Variants in VPS13A observed in about 807,000 individuals in gnomAD.
The protein encoded by VPS13A is intermembrane lipid transfer protein VPS13A.
VPS13A carries 264 observed loss-of-function variants against 390.9 expected under a neutral mutation model. The observed-to-expected ratio is 0.68, with a 90% CI of 0.61 to 0.75. VPS13A has a LOEUF of 0.75. VPS13A is among the 30% of genes least tolerant of loss of function. The probability of loss-of-function intolerance (pLI) is 0.00; values close to 1 mark genes in which losing one functional copy is unlikely to be tolerated. For synonymous variants in VPS13A, 1,231 were observed against 1,227.1 expected (o/e 1.00, Z -0.07); for missense variants, 3,409 against 3,733.9 (o/e 0.91, Z 2.27).
chr9:77,189,445 G>T (rs1318099567), intron 1 of VPS13A, among the ~76,000 whole-genome samples: 1 of 151,972 alleles, frequency 6.6e-6, no homozygotes, highest in Non-Finnish European at 1.5e-5. Flanking sequence ...CTCTTGACCT[G>T]TTCCATTGGT....
intron 47 of VPS13A, chr9:77,339,196 G>T: frequency 3.8e-6 from 1 of 266,592 alleles, no homozygotes; most frequent in Non-Finnish European, 7.1e-6. Flanking sequence ...TCTTTTTGTC[G>T]TTGTTTTACC....
chr9:77,216,239 T>C (rs1822856920), intron 10 of VPS13A, among the ~76,000 whole-genome samples: 1 of 152,180 alleles, frequency 6.6e-6, no homozygotes, highest in Admixed American at 6.5e-5. Context: ...CCCCAAATCA[T>C]TTTTCAGAGC....
At position 77,401,399 on chromosome 9, in the gene VPS13A, A is replaced by T. The variant is rs376851731; in HGVS notation, c.9190-1837A>T. 2.8e-4 allele frequency among the ~76,000 whole-genome samples: 42 copies of T among 151,362 alleles called. No individual in the cohort carries two copies. The East Asian group carries it at 4.1e-3, about 15-fold the overall frequency. On this transcript the variant is annotated intron_variant, in intron 68 of 71. Transcript: ENST00000360280. ...TAAAAATTGGGAGGGAGTCAATAACATCTTTATTATGATAAATTTTTATAT... is the reference window on the plus strand; with the variant it reads ...TAAAAATTGGGAGGGAGTCAATAACTTCTTTATTATGATAAATTTTTATAT...
Position 77,317,581 on chromosome 9 carries a change from A to C in VPS13A, c.4864-25A>C, listed in dbSNP as rs762692445. Reference sequence around the variant, plus strand: ...TATTTTTATATTTAAACATTAATTTAGTGGTATTGATTTTTCTCTCATAGG... The same window carrying C: ...TATTTTTATATTTAAACATTAATTTCGTGGTATTGATTTTTCTCTCATAGG... On this transcript the variant is annotated intron_variant, in intron 39 of 71. Coordinates refer to ENST00000360280, the MANE Select transcript of VPS13A (RefSeq NM_033305.3). 2.0e-6 allele frequency: 3 copies of C among 1,499,348 alleles called. No individual in the cohort carries two copies. In the African/African-American group the frequency reaches 4.1e-5, roughly 21 times the overall value. 92.9% of individuals were successfully genotyped at this position (1,499,348 alleles called of 1,614,324 possible).
chr9:77,277,802 A>G (rs1220108826), intron 26 of VPS13A, among the ~76,000 whole-genome samples: 1 of 152,144 alleles, frequency 6.6e-6, no homozygotes, highest in Non-Finnish European at 1.5e-5. Context: ...ACCACAGTTT[A>G]TTTATCCATT....
chr9:77,335,883 TGTACTATAAA>T (rs2131493691), intron 46 of VPS13A, among the ~76,000 whole-genome samples: 1 of 152,266 alleles, frequency 6.6e-6, no homozygotes, highest in South Asian at 2.1e-4. Flanking sequence ...AATAAATCAT[TGTACTATAAA>T]GACAGATACA....
intron 1 of VPS13A, among the ~76,000 whole-genome samples, chr9:77,191,032 A>AT (rs1824649682): frequency 6.8e-6 from 1 of 147,306 alleles, no homozygotes; most frequent in Admixed American, 6.8e-5. Context: ...CATCTTTTGT[A>AT]TTTTTTTTGT....
intron 45 of VPS13A, among the ~76,000 whole-genome samples, chr9:77,325,561 G>T (rs1829973979): frequency 6.8e-6 from 1 of 147,806 alleles, no homozygotes; most frequent in East Asian, 2.0e-4. Context: ...TCTTCCCTTT[G>T]TTTTCTCTTT....
At chr9:77,178,001 T>G (rs111325535) in intron 1 of VPS13A, 197 bp downstream of exon 1, 79 of 570,442 alleles carry the variant, frequency 1.4e-4, no homozygotes, top group African/African-American at 1.0e-3. Flanking sequence ...TGTTTATATT[T>G]TGGGGGAAAG....
intron 15 of VPS13A, among the ~76,000 whole-genome samples, chr9:77,227,173 A>G (rs962511253): frequency 6.6e-5 from 10 of 152,192 alleles, no homozygotes; most frequent in African/African-American, 2.2e-4. Flanking sequence ...CTTAATACAA[A>G]TATTATAAAT....
intron 36 of VPS13A, 29 bp downstream of exon 36, chr9:77,314,148 T>G (rs201571932): frequency 2.5e-6 from 4 of 1,611,392 alleles, no homozygotes; most frequent in Non-Finnish European, 3.4e-6. Flanking sequence ...GAAAATGTAT[T>G]TTCACATGTG....
chr9:77,366,758 G>T lies in VPS13A; in HGVS notation c.8357G>T (p.Arg2786Ile). Residue 2786 changes from arginine (R) to isoleucine (I), a missense_variant, in exon 61 of 72, where the codon AGA becomes ATA. By Grantham distance (97) the Arg-to-Ile change is moderately conservative (BLOSUM62 -3). Coordinates refer to ENST00000360280, the MANE Select transcript of VPS13A (RefSeq NM_033305.3). Reference sequence around the variant, plus strand: ...TTAAGTGTTTCACTGAGTTCCGGCAGAGAAGAAGCTAAAGATTCAAAACAA... The same window carrying T: ...TTAAGTGTTTCACTGAGTTCCGGCATAGAAGAAGCTAAAGATTCAAAACAA... ...LHLSVSLSSG[R>I]EEAKDSKQNG... 6.2e-7 allele frequency: 1 copy of T among 1,613,012 alleles called. No homozygotes were observed. The highest frequency in any genetic ancestry group is 8.5e-7 in the Non-Finnish European group (1 of 1,179,342).
chr9:77,229,103 G>C (rs544922787), intron 17 of VPS13A, among the ~76,000 whole-genome samples: 1 of 151,976 alleles, frequency 6.6e-6, no homozygotes, highest in Non-Finnish European at 1.5e-5. Flanking sequence ...TTTTGAGACA[G>C]GGTTTCACTC....
intron 52 of VPS13A, among the ~76,000 whole-genome samples, chr9:77,345,394 G>A (rs1831094445): frequency 6.6e-6 from 1 of 152,184 alleles, no homozygotes; most frequent in African/African-American, 2.4e-5. Flanking sequence ...CTTGTTCATT[G>A]TTGACTCTGA....
chr9:77,190,590 A>C (rs1470439221), intron 1 of VPS13A, among the ~76,000 whole-genome samples: 3 of 152,204 alleles, frequency 2.0e-5, no homozygotes, highest in African/African-American at 7.2e-5. Flanking sequence ...TGGCTTCATA[A>C]AATAAAATGA....
intron 20 of VPS13A, among the ~76,000 whole-genome samples, chr9:77,249,413 T>C (rs1038928950): frequency 6.6e-6 from 1 of 152,236 alleles, no homozygotes; most frequent in Non-Finnish European, 1.5e-5. Context: ...GGCAATTTGC[T>C]TAACCTGTTA....
chr9:77,384,178 A>G (rs1269528529), intron 68 of VPS13A, among the ~76,000 whole-genome samples: 1 of 151,776 alleles, frequency 6.6e-6, no homozygotes, highest in Non-Finnish European at 1.5e-5. Context: ...ATTTTCTAAA[A>G]AAGATGTATT....
chr9:77,200,455 C>T (rs1311114625), intron 2 of VPS13A, among the ~76,000 whole-genome samples: 1 of 152,178 alleles, frequency 6.6e-6, no homozygotes, highest in Admixed American at 6.5e-5. Context: ...TGCTACTGCA[C>T]TCCAGCCTGG....
At chr9:77,385,097 G>GA in intron 68 of VPS13A, 1 of 988,984 alleles carries the variant, frequency 1.0e-6, no homozygotes, top group Non-Finnish European at 1.2e-6. Context: ...AAAAAAGGAA[G>GA]AAAATAGTAA....
Sources: allele counts gnomAD v4.1 joint callset (sites outside exome capture counted in the v4.1 genomes callset), GRCh38; gene constraint gnomAD v4.1.1; transcripts MANE v1.5; gene names NCBI Gene and HGNC (gene_info 2026-07-23, HGNC 2026-07-21).